The following FAM110B variants were observed in gnomAD, a reference collection of about 807,000 sequenced individuals.
FAM110B encodes the protein family with sequence similarity 110 member B.
Under a neutral mutation model 20.4 loss-of-function variants are expected in FAM110B, and 6 were observed. The ratio of observed to expected loss-of-function variants is 0.29; its 90% CI spans 0.16 to 0.58. FAM110B has a LOEUF of 0.58. Among genes scored for constraint, FAM110B ranks in the 20% least tolerant of loss-of-function variants. The pLI is 0.90. For missense variants in FAM110B, 434 were observed against 498.2 expected (o/e 0.87, Z 1.23); for synonymous variants, 226 against 214.1 (o/e 1.06, Z -0.49).
intron 1 of FAM110B, among the ~76,000 whole-genome samples, chr8:58,007,912 G>A (rs1208909224): frequency 2.6e-5 from 4 of 152,080 alleles, no homozygotes; most frequent in African/African-American, 9.7e-5. Context: ...ACGTCAGAAG[G>A]TGTTATTTTC....
At chr8:58,049,705 C>G (rs536771649) in intron 2 of FAM110B, among the ~76,000 whole-genome samples, 1 of 152,212 alleles carries the variant, frequency 6.6e-6, no homozygotes, top group South Asian at 2.1e-4. Flanking sequence ...TTCTTAATAG[C>G]CTGTGAATAT....
chr8:58,092,203 T>C, intron 3 of FAM110B, among the ~76,000 whole-genome samples: 1 of 152,218 alleles, frequency 6.6e-6, no homozygotes, highest in Non-Finnish European at 1.5e-5. Flanking sequence ...ATTTTTGTCT[T>C]TTAAATCTCA....
chr8:58,044,227 TA>T, intron 2 of FAM110B, among the ~76,000 whole-genome samples: 1 of 152,308 alleles, frequency 6.6e-6, no homozygotes, highest in African/African-American at 2.4e-5. Context: ...TGTGCAATCC[TA>T]GGGGTGCCAC....
chr8:58,082,849 T>G (rs554704461), intron 3 of FAM110B, among the ~76,000 whole-genome samples: 12 of 129,332 alleles, frequency 9.3e-5, no homozygotes, highest in East Asian at 4.0e-4. Context: ...TTTTTTTTGT[T>G]TTTTTTTTTT....
chr8:58,018,658 C>G (rs1804683893), intron 1 of FAM110B, among the ~76,000 whole-genome samples: 1 of 152,034 alleles, frequency 6.6e-6, no homozygotes, highest in African/African-American at 2.4e-5. Flanking sequence ...GTCTATTACC[C>G]TATTTTTTGT....
chr8:58,003,268 T>A (rs1465957330), intron 1 of FAM110B, among the ~76,000 whole-genome samples: 1 of 152,200 alleles, frequency 6.6e-6, no homozygotes, highest in East Asian at 1.9e-4. Context: ...GTTCTCTTGC[T>A]ATTTCCACCG....
intron 3 of FAM110B, among the ~76,000 whole-genome samples, chr8:58,121,950 G>A (rs1585904861): frequency 6.6e-6 from 1 of 152,064 alleles, no homozygotes; most frequent in Non-Finnish European, 1.5e-5. Flanking sequence ...CTCTTTTCTT[G>A]GATCTCATAT....
At chr8:58,024,825 ACT>A (rs2150570803) in intron 1 of FAM110B, among the ~76,000 whole-genome samples, 2 of 152,248 alleles carry the variant, frequency 1.3e-5, no homozygotes, top group South Asian at 4.1e-4. Context: ...CAGGCTTTGA[ACT>A]CAGTTGATTT....
At chr8:58,089,500 G>A (rs1806420527) in intron 3 of FAM110B, among the ~76,000 whole-genome samples, 1 of 152,074 alleles carries the variant, frequency 6.6e-6, no homozygotes, top group Non-Finnish European at 1.5e-5. Context: ...TCCCTCCCTT[G>A]TCACTTCTTC....
intron 3 of FAM110B, among the ~76,000 whole-genome samples, chr8:58,120,315 C>T (rs1807326315): frequency 6.6e-6 from 1 of 152,098 alleles, no homozygotes; most frequent in East Asian, 1.9e-4. Flanking sequence ...CTGAACTATC[C>T]ACTTTTTCAT....
chr8:58,006,830 C>T lies in FAM110B; in HGVS notation c.-512+12024C>T, dbSNP rs183251717. ...CTCTACGTTTTGAACTCAGGTGATC[C>T]GCCCACCTCAGCCTCCCAAAGTGCT... On this transcript the variant is annotated intron_variant, in intron 1 of 3. Transcript: ENST00000519262. Among the ~76,000 whole-genome samples, 67 of 148,488 alleles carry T rather than the reference C, an allele frequency of 4.5e-4. No homozygotes were observed. In the East Asian group the frequency reaches 7.3e-3, roughly 16 times the overall value.
intron 3 of FAM110B, among the ~76,000 whole-genome samples, chr8:58,141,268 G>T (rs1348230333): frequency 6.6e-6 from 1 of 152,140 alleles, no homozygotes; most frequent in Admixed American, 6.5e-5. Context: ...TAAACGTTTT[G>T]TTATCTGGCA....
chr8:58,023,218 AATAG>A (rs1436920553), intron 1 of FAM110B, among the ~76,000 whole-genome samples: 2 of 152,182 alleles, frequency 1.3e-5, no homozygotes, highest in African/African-American at 4.8e-5. Flanking sequence ...TGAGTGATTT[AATAG>A]ATAGTCATTT....
chr8:58,047,591 C>CCTCTCTCTCTCTCTCTCTCTCT lies in FAM110B; in HGVS notation c.-414+15911_-414+15932dup, dbSNP rs56031012. On this transcript the variant is annotated intron_variant, in intron 2 of 3. Coordinates refer to ENST00000519262, the MANE Select transcript of FAM110B (RefSeq NM_001377989.1). ...CAAATTGTAATTAATCTTCCTTTTT[C>CCTCTCTCTCTCTCTCTCTCTCT]CTCTCTCTCTCTCTCTCTCTCTCTC... 6.2e-3 allele frequency among the ~76,000 whole-genome samples: 460 copies of CCTCTCTCTCTCTCTCTCTCTCT among 74,712 alleles called. 54 individuals are homozygous for CCTCTCTCTCTCTCTCTCTCTCT. The highest frequency in any genetic ancestry group is 9.2e-3 in the Non-Finnish European group (312 of 33,836). The allele number at this position is 74,712 out of a possible 152,430, so 49.0% of individuals were successfully genotyped here.
intron 3 of FAM110B, among the ~76,000 whole-genome samples, chr8:58,116,165 C>A (rs1807207425): frequency 6.6e-6 from 1 of 152,236 alleles, no homozygotes; most frequent in African/African-American, 2.4e-5. Flanking sequence ...AAACAACCAG[C>A]TTTCACCACT....
intron 2 of FAM110B, among the ~76,000 whole-genome samples, chr8:58,059,785 T>G (rs1379392001): frequency 6.6e-6 from 1 of 152,142 alleles, no homozygotes; most frequent in South Asian, 2.1e-4. Context: ...AAACAGTTGA[T>G]GTTTTTGCAA....
chr8:58,102,925 A>G (rs183297751), intron 3 of FAM110B, among the ~76,000 whole-genome samples: 1 of 148,802 alleles, frequency 6.7e-6, no homozygotes, highest in Non-Finnish European at 1.5e-5. Context: ...TCAAGAAGAG[A>G]GTACTACAAT....
intron 1 of FAM110B, among the ~76,000 whole-genome samples, chr8:57,996,871 T>G (rs926109812): frequency 6.6e-6 from 1 of 152,216 alleles, no homozygotes; most frequent in Non-Finnish European, 1.5e-5. Flanking sequence ...CTTTAAAATA[T>G]TTTAGAGCAG....
chr8:58,031,960 A>C (rs1036830761), intron 2 of FAM110B, among the ~76,000 whole-genome samples: 17 of 151,990 alleles, frequency 1.1e-4, no homozygotes, highest in Admixed American at 6.5e-4. Flanking sequence ...CTTTATTCCA[A>C]CTTCCCATGC....
Sources: gnomAD v4.1 joint callset for allele counts (sites outside exome capture counted in the v4.1 genomes callset) on GRCh38, gnomAD v4.1.1 for gene constraint, MANE v1.5 for transcripts, NCBI Gene and HGNC (gene_info 2026-07-23, HGNC 2026-07-21) for gene names.